The following NUP93 variants were observed in gnomAD, a reference collection of about 807,000 sequenced individuals.
The protein encoded by NUP93 is nucleoporin 93, also known as nuclear pore complex protein Nup93.
Under a neutral mutation model 107.8 loss-of-function variants are expected in NUP93, and 55 were observed. That is an observed-to-expected ratio of 0.51 (90% CI 0.41 to 0.64). The LOEUF is 0.64. Ranked by LOEUF, NUP93 falls within the 30% of genes least tolerant of loss-of-function variation. NUP93 has a pLI of 0.00. For synonymous variants in NUP93, 390 were observed against 397.5 expected (o/e 0.98, Z 0.22); for missense variants, 937 against 1,044.7 (o/e 0.90, Z 1.42).
In NUP93 at chr16:56,841,707, C is replaced by G. The variant is rs1255991803; in HGVS notation, c.2223C>G (p.Ile741Met). ...ACTCTGTTTTTCTCTCTATGTAGAT[C>G]AGGCACAACCTCTCAGAAGTGCTTC... ...VAAFRNFSDEIRHNLSEVLLA... is the reference protein window; with the variant it reads ...VAAFRNFSDEMRHNLSEVLLA... The change falls in exon 21 of 22, where the codon ATC (isoleucine) becomes ATG (methionine). Residue 741 changes from isoleucine to methionine, a missense_variant and splice_region_variant. Coordinates refer to ENST00000308159, the MANE Select transcript of NUP93 (RefSeq NM_014669.5). 6.2e-7 allele frequency: 1 copy of G among 1,613,850 alleles called. No homozygotes were observed. The highest frequency in any genetic ancestry group is 1.3e-5 in the African/African-American group (1 of 74,930).
At position 56,832,014 on chromosome 16, in the gene NUP93, ACT is replaced by A; in HGVS notation, c.1251+8_1251+9del. On this transcript the variant is annotated splice_region_variant and intron_variant, in intron 11 of 21. Coordinates refer to ENST00000308159, the MANE Select transcript of NUP93 (RefSeq NM_014669.5). ...GGATTACCTGTGGCTGAAGGTAGGC[ACT>A]GTTTCCCCTGCCCACATAGGGCTTT... 4 of 1,614,000 alleles carry A rather than the reference ACT, an allele frequency of 2.5e-6. No homozygotes were observed. The highest frequency in any genetic ancestry group is 3.4e-6 in the Non-Finnish European group (4 of 1,179,936).
Position 56,838,937 on chromosome 16 carries a change from G to A in NUP93, c.2019-15G>A, listed in dbSNP as rs576414308. On this transcript the variant is annotated splice_polypyrimidine_tract_variant and intron_variant, in intron 18 of 21. Transcript: ENST00000308159. ...GATACACTCTTACTACCCCCACCCC[G>A]TTTTTGTCTTTCAGGTATAGGGCTC... 1.2e-4 allele frequency: 191 copies of A among 1,583,292 alleles called. 1 individual carries two copies. Among genetic ancestry groups the A allele is most frequent in the South Asian group, 9.6e-4 (86 of 89,732 alleles).
intron 16 of NUP93, among the ~76,000 whole-genome samples, chr16:56,835,206 A>G (rs1241672655): frequency 6.6e-6 from 1 of 152,134 alleles, no homozygotes; most frequent in Admixed American, 6.5e-5. Context: ...CTCCACAGTG[A>G]CCCTGGAAAT....
chr16:56,789,700 G>A (rs1321182835), intron 3 of NUP93, among the ~76,000 whole-genome samples: 1 of 152,228 alleles, frequency 6.6e-6, no homozygotes, highest in Non-Finnish European at 1.5e-5. Context: ...TACAGTTGGC[G>A]AATATCAGCT....
At chr16:56,844,073 T>C (rs757391832) in intron 21 of NUP93, among the ~76,000 whole-genome samples, 28 of 152,174 alleles carry the variant, frequency 1.8e-4, no homozygotes, top group Non-Finnish European at 1.6e-4. Flanking sequence ...TTGCCTCCGG[T>C]GTCACAAGGG....
chr16:56,804,836 G>A (rs1340494869), intron 4 of NUP93, among the ~76,000 whole-genome samples: 1 of 151,478 alleles, frequency 6.6e-6, no homozygotes, highest in East Asian at 1.9e-4. Context: ...AACCGTGGAG[G>A]CGGAGGTTGC....
chr16:56,773,751 A>G (rs1024543505), intron 3 of NUP93, among the ~76,000 whole-genome samples: 11 of 152,208 alleles, frequency 7.2e-5, no homozygotes, highest in African/African-American at 2.7e-4. Flanking sequence ...AGTCTACTGT[A>G]GGTAAACCTG....
intron 3 of NUP93, among the ~76,000 whole-genome samples, chr16:56,795,332 G>A (rs1962873049): frequency 6.6e-6 from 1 of 152,148 alleles, no homozygotes; most frequent in African/African-American, 2.4e-5. Flanking sequence ...TATACTAAAG[G>A]TTTGTTGACT....
intron 21 of NUP93, 21 bp from the exon 22 acceptor site, chr16:56,844,478 C>G (rs1964085176): frequency 7.2e-7 from 1 of 1,379,580 alleles, no homozygotes; most frequent in Non-Finnish European, 9.6e-7. Flanking sequence ...ATTTCCTTCC[C>G]TTCCTTCCCT....
intron 4 of NUP93, among the ~76,000 whole-genome samples, chr16:56,804,045 G>A (rs1322151416): frequency 2.6e-5 from 4 of 152,118 alleles, no homozygotes; most frequent in Non-Finnish European, 4.4e-5. Flanking sequence ...GAGCCACCAC[G>A]TGTGACCAGA....
chr16:56,752,113 G>T, intron 2 of NUP93, among the ~76,000 whole-genome samples: 1 of 152,172 alleles, frequency 6.6e-6, no homozygotes, highest in East Asian at 1.9e-4. Flanking sequence ...CAAAATCCTG[G>T]TATATATTAA....
Position 56,823,810 on chromosome 16 carries a change from A to G in NUP93, c.758A>G (p.Glu253Gly), listed in dbSNP as rs1343800181. Reference protein sequence around the residue: ...KNRSSVEVRMEFVRQALAYLE... With the variant: ...KNRSSVEVRMGFVRQALAYLE... ...CGCAGCAGCGTGGAAGTGCGCATGGAGTTTGTCAGGCAGGCCTTGGCGTAC... is the reference window on the plus strand; with the variant it reads ...CGCAGCAGCGTGGAAGTGCGCATGGGGTTTGTCAGGCAGGCCTTGGCGTAC... Residue 253 changes from glutamate (E) to glycine (G), a missense_variant, in exon 8 of 22, where the codon GAG becomes GGG. Coordinates refer to ENST00000308159, the MANE Select transcript of NUP93 (RefSeq NM_014669.5). 1 of 1,614,122 alleles carries G rather than the reference A, an allele frequency of 6.2e-7. No individual in the cohort carries two copies. Among genetic ancestry groups the G allele is most frequent in the Admixed American group, 1.7e-5 (1 of 60,016 alleles).
intron 4 of NUP93, among the ~76,000 whole-genome samples, chr16:56,803,093 C>T (rs960315565): frequency 2.0e-5 from 3 of 151,620 alleles, no homozygotes; most frequent in Admixed American, 1.3e-4. Context: ...GCAGTTTAAT[C>T]CCAGAGGGCT....
At chr16:56,826,828 A>G (rs1963671449) in intron 8 of NUP93, among the ~76,000 whole-genome samples, 2 of 151,710 alleles carry the variant, frequency 1.3e-5, no homozygotes, top group East Asian at 3.9e-4. Context: ...CGGGCAGATC[A>G]CGAGGTCAAG....
Position 56,823,716 on chromosome 16 carries a change from G to A in NUP93, c.664G>A (p.Asp222Asn), listed in dbSNP as rs759345823. 21 of 1,613,894 alleles carry A rather than the reference G, an allele frequency of 1.3e-5. No homozygotes were observed. In the East Asian group the frequency reaches 1.6e-4, roughly 12 times the overall value. The change falls in exon 8 of 22, where the codon GAC (aspartate) becomes AAC (asparagine). Residue 222 changes from aspartate to asparagine, a missense_variant. Physicochemically the swap from Asp to Asn is conservative, Grantham distance 23 (BLOSUM62 1). Coordinates refer to ENST00000308159, the MANE Select transcript of NUP93 (RefSeq NM_014669.5). ...VAELDDKSISDMWTMVKQMTD... is the reference protein window; with the variant it reads ...VAELDDKSISNMWTMVKQMTD... ...TTTCATTTATGTGCAGAGCATTTCC[G>A]ACATGTGGACCATGGTAAAACAAAT...
chr16:56,800,498 G>C (rs1347938692), intron 4 of NUP93, among the ~76,000 whole-genome samples: 1 of 152,206 alleles, frequency 6.6e-6, no homozygotes, highest in Non-Finnish European at 1.5e-5. Flanking sequence ...AAACATTTAG[G>C]TGACATACCA....
chr16:56,785,414 T>C (rs1015373560), intron 3 of NUP93, among the ~76,000 whole-genome samples: 3 of 152,168 alleles, frequency 2.0e-5, no homozygotes, highest in African/African-American at 7.2e-5. Flanking sequence ...GCCTCTCCTT[T>C]CTGGTACTTG....
At chr16:56,840,170 G>A (rs765102036) in intron 20 of NUP93, among the ~76,000 whole-genome samples, 2 of 152,080 alleles carry the variant, frequency 1.3e-5, no homozygotes, top group African/African-American at 2.4e-5. Flanking sequence ...ACAGGTGCCC[G>A]CCAACACGCC....
In NUP93 at chr16:56,837,753, C is replaced by T. The variant is rs745636835; in HGVS notation, c.2018+27C>T. On this transcript the variant is annotated intron_variant, in intron 18 of 21. Coordinates refer to ENST00000308159, the MANE Select transcript of NUP93 (RefSeq NM_014669.5). The stretch of plus-strand genomic sequence containing the variant: ...TAAGCCAGGAGCTGGCTCCATGGGA[C>T]CCTGAGGGTGCCACTGCCAGTGCCA... 5 of 1,578,248 alleles carry T rather than the reference C, an allele frequency of 3.2e-6. No homozygotes were observed. In the South Asian group the frequency reaches 5.6e-5, roughly 18 times the overall value.
Sources: allele counts gnomAD v4.1 joint callset (sites outside exome capture counted in the v4.1 genomes callset), GRCh38; gene constraint gnomAD v4.1.1; transcripts MANE v1.5; gene names NCBI Gene and HGNC (gene_info 2026-07-23, HGNC 2026-07-21).